TRDN: variants seen among roughly 807,000 people sequenced by gnomAD.
TRDN encodes triadin, also known as triadin in skeletal muscle.
TRDN carries 161 observed loss-of-function variants against 149.7 expected under a neutral mutation model. That is an observed-to-expected ratio of 1.08 (90% CI 0.95 to 1.23). The LOEUF (loss-of-function observed/expected upper bound fraction) is 1.23, where lower values mean the gene tolerates loss of function less well. Ranked by LOEUF, TRDN falls within the 50% of genes most tolerant of loss-of-function variation. The pLI is 0.00. For synonymous variants in TRDN, 294 were observed against 250.5 expected (o/e 1.17, Z -1.64); for missense variants, 896 against 823.5 (o/e 1.09, Z -1.08).
intron 10 of TRDN, among the ~76,000 whole-genome samples, chr6:123,457,391 A>G (rs1409219647): frequency 6.6e-6 from 1 of 152,248 alleles, no homozygotes; most frequent in Non-Finnish European, 1.5e-5. Flanking sequence ...ACAGTGAGAA[A>G]AAGTTAATTG....
intron 2 of TRDN, among the ~76,000 whole-genome samples, chr6:123,559,445 C>T (rs74370842): frequency 1.3e-3 from 198 of 150,190 alleles, no homozygotes; most frequent in Middle Eastern, 3.5e-3. Flanking sequence ...ATTACAGCTA[C>T]ATCTCATTGC....
chr6:123,280,652 C>CTTT (rs34195939), intron 24 of TRDN, among the ~76,000 whole-genome samples: 2,550 of 135,474 alleles, frequency 0.019, 90 homozygotes, highest in South Asian at 0.076. Flanking sequence ...TCTTTTCTTT[C>CTTT]TTTTTTTTTT....
chr6:123,363,435 T>C (rs1422377479), intron 20 of TRDN, among the ~76,000 whole-genome samples: 2 of 152,230 alleles, frequency 1.3e-5, no homozygotes, highest in Non-Finnish European at 2.9e-5. Flanking sequence ...TTCATGAGTT[T>C]CAAAACAGCT....
chr6:123,417,468 A>G (rs1304489077), intron 12 of TRDN, among the ~76,000 whole-genome samples: 2 of 152,188 alleles, frequency 1.3e-5, no homozygotes, highest in African/African-American at 4.8e-5. Flanking sequence ...TATAAATAAC[A>G]TTATAAAGGG....
At chr6:123,256,862 C>T (rs1238487932) in intron 35 of TRDN, among the ~76,000 whole-genome samples, 2 of 152,084 alleles carry the variant, frequency 1.3e-5, no homozygotes, top group African/African-American at 4.8e-5. Context: ...GCTGCAAATG[C>T]TTTAGCTGTT....
At chr6:123,394,554 G>A (rs890474902) in intron 12 of TRDN, among the ~76,000 whole-genome samples, 4 of 152,058 alleles carry the variant, frequency 2.6e-5, no homozygotes, top group Non-Finnish European at 5.9e-5. Flanking sequence ...GTGTGGACAC[G>A]AAGTTAGGTG....
At chr6:123,422,128 A>T (rs1312126276) in intron 12 of TRDN, among the ~76,000 whole-genome samples, 1 of 152,084 alleles carries the variant, frequency 6.6e-6, no homozygotes, top group Non-Finnish European at 1.5e-5. Context: ...ATTTGGGAGG[A>T]TGTGCGTAGG....
intron 5 of TRDN, among the ~76,000 whole-genome samples, chr6:123,521,514 C>A (rs1583182969): frequency 6.6e-6 from 1 of 152,162 alleles, no homozygotes; most frequent in Non-Finnish European, 1.5e-5. Context: ...CCTCCAGAGG[C>A]CAGGAGAGAG....
chr6:123,353,817 G>C (rs1780555907), intron 20 of TRDN, among the ~76,000 whole-genome samples: 1 of 151,630 alleles, frequency 6.6e-6, no homozygotes, highest in African/African-American at 2.4e-5. Flanking sequence ...CCCCAAAATA[G>C]AGCAAACCAT....
intron 4 of TRDN, among the ~76,000 whole-genome samples, chr6:123,537,396 G>A (rs989582318): frequency 1.3e-5 from 2 of 152,146 alleles, no homozygotes; most frequent in African/African-American, 4.8e-5. Flanking sequence ...GACAAGGATA[G>A]ATTTTAATGA....
intron 24 of TRDN, among the ~76,000 whole-genome samples, chr6:123,290,695 G>C (rs1777979571): frequency 6.6e-6 from 1 of 152,150 alleles, no homozygotes; most frequent in African/African-American, 2.4e-5. Context: ...CTGCTGGGCA[G>C]TTCAGGATTT....
chr6:123,521,180 T>A (rs557850632), intron 5 of TRDN, among the ~76,000 whole-genome samples: 183 of 151,690 alleles, frequency 1.2e-3, no homozygotes, highest in Non-Finnish European at 1.9e-3. Flanking sequence ...CAATCCTTTG[T>A]TTTTTGTGCA....
At chr6:123,486,213 CTT>C (rs1446154770) in intron 9 of TRDN, among the ~76,000 whole-genome samples, 3 of 150,682 alleles carry the variant, frequency 2.0e-5, no homozygotes, top group African/African-American at 7.3e-5. Context: ...ATCTAAACGT[CTT>C]ATAACATCTT....
At chr6:123,441,311 A>G (rs1774869527) in intron 10 of TRDN, among the ~76,000 whole-genome samples, 1 of 152,034 alleles carries the variant, frequency 6.6e-6, no homozygotes. Flanking sequence ...TGTCTACCTG[A>G]CTTTGAACAC....
chr6:123,409,745 A>G (rs1773356516), intron 12 of TRDN, among the ~76,000 whole-genome samples: 1 of 152,002 alleles, frequency 6.6e-6, no homozygotes, highest in Non-Finnish European at 1.5e-5. Flanking sequence ...TGAGAAACAA[A>G]TACTCAGTAT....
intron 12 of TRDN, among the ~76,000 whole-genome samples, chr6:123,428,262 G>T (rs943529304): frequency 6.6e-6 from 1 of 152,098 alleles, no homozygotes; most frequent in Non-Finnish European, 1.5e-5. Context: ...ACACCACAAA[G>T]GTTAGTTCAG....
At chr6:123,529,363 C>G in intron 5 of TRDN, 1 of 1,547,010 alleles carries the variant, frequency 6.5e-7, no homozygotes, top group Non-Finnish European at 8.7e-7. Context: ...TTCCTAAGTA[C>G]AAATATAAAT....
At chr6:123,355,404 T>G (rs1780627787) in intron 20 of TRDN, among the ~76,000 whole-genome samples, 1 of 151,738 alleles carries the variant, frequency 6.6e-6, no homozygotes, top group African/African-American at 2.4e-5. Flanking sequence ...CATTATAATT[T>G]TTAATCATTT....
rs141262529 is a variant in TRDN at position 123,508,660 on chromosome 6, A to G, written c.610+3643T>C. Among the ~76,000 whole-genome samples the G allele has an allele frequency of 3.3e-5, 5 of 152,270 alleles. No individual in the cohort carries two copies. In the East Asian group the frequency reaches 9.7e-4, roughly 29 times the overall value. On this transcript the variant is annotated intron_variant, in intron 7 of 40. Coordinates refer to ENST00000334268, the MANE Select transcript of TRDN (RefSeq NM_006073.4). ...TTTCTCAGTGGATATGGGGTCCTAC[A>G]TATGTATCAAGGTAGACATTAAAGG...
Sources: gnomAD v4.1 joint callset for allele counts (sites outside exome capture counted in the v4.1 genomes callset) on GRCh38, gnomAD v4.1.1 for gene constraint, MANE v1.5 for transcripts, NCBI Gene and HGNC (gene_info 2026-07-23, HGNC 2026-07-21) for gene names.